Variants in TENM1 observed in about 807,000 individuals in gnomAD.
TENM1 encodes the protein teneurin-1.
A neutral mutation model predicts 174.8 loss-of-function variants in TENM1; 35 were observed. The ratio of observed to expected loss-of-function variants is 0.20; its 90% CI spans 0.15 to 0.27. The LOEUF is 0.27. TENM1 is among the 10% of genes least tolerant of loss of function. TENM1 has a pLI of 1.00. For missense variants in TENM1, 1,633 were observed against 2,130.1 expected (o/e 0.77, Z 4.59); for synonymous variants, 781 against 798.7 (o/e 0.98, Z 0.37).
intron 29 of TENM1, among the ~76,000 whole-genome samples, chrX:124,385,417 G>T (rs2060207531): frequency 1.8e-5 from 2 of 112,227 alleles, no homozygotes; most frequent in Admixed American, 9.4e-5. Context: ...AGCAGGAATG[G>T]GTATACAGTT....
chrX:124,576,045 C>T (rs929196825), intron 11 of TENM1, among the ~76,000 whole-genome samples: 3 of 111,570 alleles, frequency 2.7e-5, no homozygotes, highest in African/African-American at 9.8e-5. Flanking sequence ...TAAAACCCAA[C>T]CCTAAAGGAG....
chrX:124,421,198 C>T (rs1191355650), intron 24 of TENM1, among the ~76,000 whole-genome samples: 2 of 111,775 alleles, frequency 1.8e-5, no homozygotes, highest in Non-Finnish European at 3.8e-5. Context: ...CAGGACTTTC[C>T]AGTCCTACTG....
Position 124,784,212 on chromosome X carries a change from G to A in TENM1, c.536-47015C>T, listed in dbSNP as rs748485007. Among the ~76,000 whole-genome samples, 6 of 111,524 alleles carry A rather than the reference G, an allele frequency of 5.4e-5. No homozygotes were observed. The East Asian group carries it at 1.7e-3, about 31-fold the overall frequency. On this transcript the variant is annotated intron_variant, in intron 3 of 31. Transcript: ENST00000422452. ...AATGTGACTCATTCTCAAGAGAAAA[G>A]ACAACCTATAGAGAATAACTCCAAG...
chrX:124,469,364 A>G (rs12686903), intron 22 of TENM1, among the ~76,000 whole-genome samples: 3 of 111,994 alleles, frequency 2.7e-5, no homozygotes, highest in South Asian at 7.5e-4. Flanking sequence ...ATCTTGCGTC[A>G]TTTCATCCTC....
At chrX:124,784,751 T>C (rs1377877839) in intron 3 of TENM1, among the ~76,000 whole-genome samples, 1 of 111,221 alleles carries the variant, frequency 9.0e-6, no homozygotes, top group Non-Finnish European at 1.9e-5. Flanking sequence ...TCTGGTCACA[T>C]ACAGAGGGAA....
chrX:125,051,225 C>T, the TENM1 span, among the ~76,000 whole-genome samples: 997 of 111,629 alleles, frequency 8.9e-3, 6 homozygotes, highest in African/African-American at 0.027. Flanking sequence ...GAACATTCCA[C>T]GCTCATGGGT....
intron 22 of TENM1, among the ~76,000 whole-genome samples, chrX:124,461,510 A>G (rs2061173227): frequency 8.9e-6 from 1 of 111,982 alleles, no homozygotes; most frequent in African/African-American, 3.2e-5. Flanking sequence ...GTACCCATCA[A>G]TAGGTGAATG....
exon 24 of TENM1, chrX:124,422,543 G>C (rs747551884): frequency 3.3e-6 from 4 of 1,209,030 alleles, no homozygotes; most frequent in South Asian, 1.8e-5. Context: ...GAACACGCCT[G>C]TTCTCAGAAA....
intron 25 of TENM1, among the ~76,000 whole-genome samples, chrX:124,413,988 G>C (rs1182256837): frequency 8.9e-6 from 1 of 111,879 alleles, no homozygotes; most frequent in East Asian, 2.8e-4. Flanking sequence ...GGGAGAAGGG[G>C]GAATCTGTCA....
chrX:124,452,416 G>A (rs868125765), intron 23 of TENM1, among the ~76,000 whole-genome samples: 12 of 112,226 alleles, frequency 1.1e-4, no homozygotes, highest in South Asian at 3.8e-4. Context: ...CTTTTACACC[G>A]TTGGTGGGAC....
chrX:125,076,493 G>C, the TENM1 span, among the ~76,000 whole-genome samples: 1 of 111,069 alleles, frequency 9.0e-6, no homozygotes, highest in African/African-American at 3.3e-5. Context: ...AGGATCTCTC[G>C]TGATGATGGG....
chrX:124,445,494 C>T (rs1201048984), intron 23 of TENM1, among the ~76,000 whole-genome samples: 3 of 111,999 alleles, frequency 2.7e-5, no homozygotes, highest in African/African-American at 6.5e-5. Flanking sequence ...AGAATGTTAC[C>T]TTCCTTCCTG....
the TENM1 span, among the ~76,000 whole-genome samples, chrX:125,081,756 C>A: frequency 2.7e-5 from 3 of 111,401 alleles, no homozygotes; most frequent in African/African-American, 9.8e-5. Context: ...TGTCCATCAA[C>A]AGACGATTTG....
At chrX:124,907,202 A>G (rs914920148) in intron 1 of TENM1, among the ~76,000 whole-genome samples, 7 of 112,320 alleles carry the variant, frequency 6.2e-5, no homozygotes, top group Non-Finnish European at 3.8e-5. Context: ...CTGATAAAAC[A>G]GAAAAACCAA....
intron 1 of TENM1, among the ~76,000 whole-genome samples, chrX:124,921,518 T>C (rs6655806): frequency 1.0e-3 from 112 of 112,044 alleles, no homozygotes; most frequent in African/African-American, 3.0e-3. Context: ...TCTGGAAATA[T>C]TAAATGTTAT....
At chrX:124,572,206 C>T (rs1205794555) in intron 11 of TENM1, among the ~76,000 whole-genome samples, 1 of 111,357 alleles carries the variant, frequency 9.0e-6, no homozygotes, top group Non-Finnish European at 1.9e-5. Context: ...CATGCGTACA[C>T]CAGTATATAG....
the TENM1 span, among the ~76,000 whole-genome samples, chrX:124,996,527 CAT>C: frequency 1.0e-5 from 1 of 95,465 alleles, no homozygotes; most frequent in Non-Finnish European, 2.1e-5. Context: ...AGCTAAAAGA[CAT>C]ATGACTAAAA....
At chrX:124,632,279 C>G (rs918313176) in intron 11 of TENM1, among the ~76,000 whole-genome samples, 1 of 110,714 alleles carries the variant, frequency 9.0e-6, no homozygotes, top group Non-Finnish European at 1.9e-5. Flanking sequence ...GAAGCATACA[C>G]AATAAAGTAA....
chrX:124,665,577 A>G (rs151285087), intron 6 of TENM1, among the ~76,000 whole-genome samples: 295 of 112,373 alleles, frequency 2.6e-3, no homozygotes, highest in African/African-American at 9.1e-3. Flanking sequence ...ATACATTTCA[A>G]CCTCTTTCCA....
Sources: allele counts gnomAD v4.1 joint callset (sites outside exome capture counted in the v4.1 genomes callset), GRCh38; gene constraint gnomAD v4.1.1; transcripts MANE v1.5; gene names NCBI Gene and HGNC (gene_info 2026-07-23, HGNC 2026-07-21).